The following LAMA2 variants were observed in gnomAD, a reference collection of about 807,000 sequenced individuals.
The protein encoded by LAMA2 is laminin subunit alpha 2.
LAMA2 carries 269 observed loss-of-function variants against 364.8 expected under a neutral mutation model. The ratio of observed to expected loss-of-function variants is 0.74; its 90% CI spans 0.67 to 0.82. The LOEUF is 0.82. Among genes scored for constraint, LAMA2 ranks in the 40% least tolerant of loss-of-function variants. The pLI is 0.00. For missense variants in LAMA2, 3,807 were observed against 3,873.2 expected (o/e 0.98, Z 0.45); for synonymous variants, 1,379 against 1,370.6 (o/e 1.01, Z -0.14).
chr6:129,507,675 T>C (rs747527643), intron 62 of LAMA2, 33 bp downstream of exon 62: 11 of 1,605,838 alleles, frequency 6.9e-6, no homozygotes, highest in African/African-American at 2.7e-5. Flanking sequence ...CTGTTGATTA[T>C]TAACTAGATA....
intron 37 of LAMA2, among the ~76,000 whole-genome samples, chr6:129,395,422 GC>G (rs1562524848): frequency 3.3e-5 from 5 of 152,104 alleles, no homozygotes; most frequent in African/African-American, 1.2e-4. Flanking sequence ...TCAGTGATGA[GC>G]CCCCTTAGAG....
intron 1 of LAMA2, among the ~76,000 whole-genome samples, chr6:128,979,102 G>T (rs1421791689): frequency 6.6e-6 from 1 of 152,190 alleles, no homozygotes; most frequent in Non-Finnish European, 1.5e-5. Context: ...TAAAGGCTTA[G>T]ATAGTAAGTA....
chr6:128,946,207 A>C (rs980626616), intron 1 of LAMA2, among the ~76,000 whole-genome samples: 5 of 152,258 alleles, frequency 3.3e-5, no homozygotes, highest in Non-Finnish European at 7.3e-5. Context: ...AATAAAAACC[A>C]AATACAAAAG....
At chr6:129,100,607 A>C (rs868763197) in intron 4 of LAMA2, among the ~76,000 whole-genome samples, 1 of 152,212 alleles carries the variant, frequency 6.6e-6, no homozygotes, top group Non-Finnish European at 1.5e-5. Flanking sequence ...TAAATATTTC[A>C]TCCATAATCT....
At chr6:129,199,034 G>A (rs780589823) in intron 12 of LAMA2, among the ~76,000 whole-genome samples, 4 of 152,012 alleles carry the variant, frequency 2.6e-5, no homozygotes, top group African/African-American at 4.8e-5. Context: ...ATAAAATCTT[G>A]ACAAGAGGAC....
intron 4 of LAMA2, among the ~76,000 whole-genome samples, chr6:129,106,208 A>G (rs976799663): frequency 2.0e-5 from 3 of 148,904 alleles, no homozygotes; most frequent in Admixed American, 2.0e-4. Flanking sequence ...TTGATTTCCT[A>G]TGTGACAGAA....
intron 51 of LAMA2, among the ~76,000 whole-genome samples, chr6:129,467,316 A>G (rs1783591323): frequency 6.6e-6 from 1 of 151,822 alleles, no homozygotes; most frequent in African/African-American, 2.4e-5. Context: ...GGATACACGA[A>G]GACGTGAAGA....
intron 60 of LAMA2, 136 bp downstream of exon 60, chr6:129,503,416 A>AT: frequency 1.3e-6 from 1 of 798,232 alleles, no homozygotes. Context: ...TAAGTGCCAT[A>AT]TACAACTACC....
chr6:129,269,537 C>T (rs1261129043), intron 16 of LAMA2, among the ~76,000 whole-genome samples: 1 of 152,012 alleles, frequency 6.6e-6, no homozygotes, highest in African/African-American at 2.4e-5. Flanking sequence ...AAAAAACCCT[C>T]TCAATTATGC....
Position 129,320,565 on chromosome 6 carries a change from T to A in LAMA2, c.4086T>A (p.Ala1362=). The A allele has an allele frequency of 6.2e-7, 1 of 1,612,172 alleles. No individual in the cohort carries two copies. Among genetic ancestry groups the A allele is most frequent in the Non-Finnish European group, 8.5e-7 (1 of 1,178,260 alleles). Reference sequence around the variant, plus strand: ...TTTCTGAAATCTCAATGGAGGTAGCTGAACAAGGACGTGGAACAACAATGA... The same window carrying A: ...TTTCTGAAATCTCAATGGAGGTAGCAGAACAAGGACGTGGAACAACAATGA... ...SRISEISMEV[A]EQGRGTTMTP... is the part of the protein sequence containing the mutation. Residue 1362 remains alanine, a synonymous_variant, in exon 28 of 65, where the codon GCT becomes GCA. Coordinates refer to ENST00000421865, the MANE Select transcript of LAMA2 (RefSeq NM_000426.4).
chr6:129,258,471 A>C (rs145396944), intron 14 of LAMA2, among the ~76,000 whole-genome samples: 384 of 152,164 alleles, frequency 2.5e-3, no homozygotes, highest in African/African-American at 8.7e-3. Flanking sequence ...GTAACTTCAT[A>C]GCAACAAAAG....
chr6:129,031,834 C>CTTTTCT (rs386408574), intron 1 of LAMA2, among the ~76,000 whole-genome samples: 14 of 151,068 alleles, frequency 9.3e-5, no homozygotes, highest in Admixed American at 4.0e-4. Flanking sequence ...CTTTTCTTTT[C>CTTTTCT]TTTTTTTTTG....
chr6:129,242,931 A>C (rs1277886504), intron 12 of LAMA2, among the ~76,000 whole-genome samples: 1 of 152,172 alleles, frequency 6.6e-6, no homozygotes, highest in African/African-American at 2.4e-5. Context: ...TGCCTTTCTA[A>C]GCACATCATC....
chr6:128,965,761 T>A (rs917544106), intron 1 of LAMA2, among the ~76,000 whole-genome samples: 1 of 151,982 alleles, frequency 6.6e-6, no homozygotes, highest in African/African-American at 2.4e-5. Context: ...TATTTTACAA[T>A]GTTTACAAGT....
intron 56 of LAMA2, among the ~76,000 whole-genome samples, chr6:129,487,948 T>A (rs1341267840): frequency 6.6e-6 from 1 of 152,226 alleles, no homozygotes; most frequent in Non-Finnish European, 1.5e-5. Context: ...TTCACATGTC[T>A]TCTAGATTAG....
At chr6:129,066,041 T>TTTTTTTTTTTTTTTG (rs1789288208) in intron 3 of LAMA2, among the ~76,000 whole-genome samples, 2 of 64,028 alleles carry the variant, frequency 3.1e-5, no homozygotes, top group African/African-American at 8.9e-5. Context: ...GTCTCAGGTT[T>TTTTTTTTTTTTTTTG]TTTTTTTTTT....
intron 1 of LAMA2, among the ~76,000 whole-genome samples, chr6:128,982,034 T>C: frequency 6.6e-6 from 1 of 152,184 alleles, no homozygotes; most frequent in South Asian, 2.1e-4. Context: ...GCTTGTCTTC[T>C]TTACTGCATT....
At chr6:129,470,660 G>A (rs147064354) in intron 51 of LAMA2, among the ~76,000 whole-genome samples, 60 of 151,976 alleles carry the variant, frequency 3.9e-4, no homozygotes, top group African/African-American at 1.4e-3. Context: ...TTCAGATAAA[G>A]TTTAAAAGAA....
intron 3 of LAMA2, among the ~76,000 whole-genome samples, chr6:129,065,751 G>T (rs1365830505): frequency 2.0e-5 from 3 of 152,146 alleles, no homozygotes; most frequent in South Asian, 2.1e-4. Flanking sequence ...ATCTTGAATT[G>T]TACTCCAATA....
Sources: allele counts gnomAD v4.1 joint callset (sites outside exome capture counted in the v4.1 genomes callset), GRCh38; gene constraint gnomAD v4.1.1; transcripts MANE v1.5; gene names NCBI Gene and HGNC (gene_info 2026-07-23, HGNC 2026-07-21).